POU3F2: variants seen among roughly 807,000 people sequenced by gnomAD.
POU3F2 encodes the protein POU class 3 homeobox 2.
A neutral mutation model predicts 33.1 loss-of-function variants in POU3F2; 11 were observed. The observed-to-expected ratio is 0.33, with a 90% CI of 0.21 to 0.55. The LOEUF (loss-of-function observed/expected upper bound fraction) is 0.55. Among genes scored for constraint, POU3F2 ranks in the 20% least tolerant of loss-of-function variants. The pLI is 0.91. For synonymous variants in POU3F2, 332 were observed against 289.6 expected (o/e 1.15, Z -1.49); for missense variants, 456 against 620.2 (o/e 0.74, Z 2.81).
rs779168236 is a variant in POU3F2, at chr6:98,836,136, C to T, written c.1263C>T (p.Gly421=). Residue 421 remains glycine, a synonymous_variant, in exon 1 of 1, where the codon GGC becomes GGT. Transcript: ENST00000328345. ...CCCCTCCCGGAGGGACTCTGCCGGG[C>T]GCCGAGGATGTGTACGGGGGGAGTA... ...RMTPPGGTLP[G]AEDVYGGSRD... is the part of the protein sequence containing the mutation. 8.7e-6 allele frequency: 14 copies of T among 1,604,820 alleles called. No homozygotes were observed. Among genetic ancestry groups the T allele is most frequent in the Non-Finnish European group, 1.7e-6 (2 of 1,177,856 alleles).
chr6:98,835,545 T>A lies in POU3F2; in HGVS notation c.672T>A (p.His224Gln), dbSNP rs1255273182. Reference sequence around the variant, plus strand: ...GGGACGCGCACGACGAGCCACACCATGCCGACCACCACCCGCACCCGCACT... The same window carrying A: ...GGGACGCGCACGACGAGCCACACCAAGCCGACCACCACCCGCACCCGCACT... ...GLRDAHDEPHHADHHPHPHSH... is the reference protein window; with the variant it reads ...GLRDAHDEPHQADHHPHPHSH... Residue 224 changes from histidine to glutamine, a missense_variant, in exon 1 of 1, where the codon CAT becomes CAA. Physicochemically the swap from His to Gln is conservative, Grantham distance 24. Transcript: ENST00000328345. The surrounding 1 kb of genome is among the most constrained non-coding windows in gnomAD (Gnocchi z 9.7). 1 of 1,586,250 alleles carries A rather than the reference T, an allele frequency of 6.3e-7. No homozygotes were observed. The highest frequency in any genetic ancestry group is 2.3e-5 in the East Asian group (1 of 43,934).
Position 98,836,145 on chromosome 6 carries a change from T to C in POU3F2, c.1272T>C (p.Asp424=). Residue 424 remains aspartate, a synonymous_variant, in exon 1 of 1, where the codon GAT becomes GAC. Transcript: ENST00000328345. The part of the protein sequence containing the change: ...PPGGTLPGAE[D]VYGGSRDTPP... Reference sequence around the variant, plus strand: ...GAGGGACTCTGCCGGGCGCCGAGGATGTGTACGGGGGGAGTAGGGACACTC... The same window carrying C: ...GAGGGACTCTGCCGGGCGCCGAGGACGTGTACGGGGGGAGTAGGGACACTC... 6.2e-7 allele frequency: 1 copy of C among 1,604,978 alleles called. No individual in the cohort carries two copies. Among genetic ancestry groups the C allele is most frequent in the South Asian group, 1.1e-5 (1 of 89,720 alleles).
At position 98,836,120 on chromosome 6, in the gene POU3F2, G is replaced by A. The variant is rs752078456; in HGVS notation, c.1247G>A (p.Gly416Glu). Residue 416 changes from glycine (G) to glutamate (E), a missense_variant, in exon 1 of 1, where the codon GGA (glycine) becomes GAA (glutamate). Gly to Glu is a moderately conservative substitution (Grantham distance 98). Coordinates refer to ENST00000328345, the MANE Select transcript of POU3F2 (RefSeq NM_005604.4). ...RQKEKRMTPP[G>E]GTLPGAEDVY... ...AAAGAGAAAAGGATGACCCCTCCCG[G>A]AGGGACTCTGCCGGGCGCCGAGGAT... The A allele has an allele frequency of 5.6e-6, 9 of 1,605,752 alleles. No homozygotes were observed. The highest frequency in any genetic ancestry group is 7.6e-6 in the Non-Finnish European group (9 of 1,178,078).
chr6:98,835,140 C>G lies in POU3F2; in HGVS notation c.267C>G (p.Asp89Glu). Residue 89 changes from aspartate to glutamate, a missense_variant, in exon 1 of 1, where the codon GAC becomes GAG. By Grantham distance (45) the Asp-to-Glu change is conservative. Transcript: ENST00000328345. This position sits in a 1 kb window ranked among gnomAD's most constrained non-coding sequence, Gnocchi z 9.7. The part of the protein sequence containing the change: ...GGGGGGGGGG[D>E]GSPWSTSPLG... ...GGGGCGGCGGCGGGGGCGGCGGCGA[C>G]GGCTCCCCGTGGTCCACCAGCCCCC... The G allele has an allele frequency of 8.0e-7, 1 of 1,249,806 alleles. No individual in the cohort carries two copies. Among genetic ancestry groups the G allele is most frequent in the Non-Finnish European group, 1.0e-6 (1 of 997,308 alleles). The allele number at this position is 1,249,806 out of a possible 1,614,324, so 77.4% of individuals were successfully genotyped here.
chr6:98,836,669 G>A lies in POU3F2; in HGVS notation c.*464G>A, dbSNP rs1246778959. On this transcript the variant is annotated 3_prime_UTR_variant, in exon 1 of 1. Transcript: ENST00000328345. ...GTTTATTTATTGTGGATTCCCATCA[G>A]GAAAGAGGAAAAAATACACATGTTC... 1 of 168,286 alleles carries A rather than the reference G, an allele frequency of 5.9e-6. No homozygotes were observed. Among genetic ancestry groups the A allele is most frequent in the Non-Finnish European group, 1.4e-5 (1 of 69,080 alleles). 10.4% of individuals were successfully genotyped at this position (168,286 alleles called of 1,614,324 possible). A position where few individuals can be genotyped will look rare whatever the true frequency, so the allele number is the denominator to read the frequency against.
In POU3F2 at chr6:98,836,329, C is replaced by A. The variant is rs976379462; in HGVS notation, c.*124C>A. 8.7e-6 allele frequency: 11 copies of A among 1,264,960 alleles called. No homozygotes were observed. The highest frequency in any genetic ancestry group is 1.0e-5 in the Non-Finnish European group (10 of 955,286). The allele number at this position is 1,264,960 out of a possible 1,614,324, so 78.4% of individuals were successfully genotyped here. A position where few individuals can be genotyped will look rare whatever the true frequency, so the allele number is the denominator to read the frequency against. On this transcript the variant is annotated 3_prime_UTR_variant, in exon 1 of 1. Transcript: ENST00000328345. Reference sequence around the variant, plus strand: ...CTTTTATTTTTAATTATTATTTCCCCGTCCCTTAAAAAGACAAAAAAAATA... The same window carrying A: ...CTTTTATTTTTAATTATTATTTCCCAGTCCCTTAAAAAGACAAAAAAAATA...
rs1413733466 is a variant in POU3F2, at chr6:98,835,149, G to A, written c.276G>A (p.Pro92=). ...GCGGGGGCGGCGGCGACGGCTCCCC[G>A]TGGTCCACCAGCCCCCTGGGCCAGC... is the stretch of plus-strand genomic sequence containing the variant. ...GGGGGGGDGS[P]WSTSPLGQPD... The change falls in exon 1 of 1, where the codon CCG becomes CCA. Residue 92 remains proline (P), a synonymous_variant. Transcript: ENST00000328345. This position sits in a 1 kb window ranked among gnomAD's most constrained non-coding sequence, Gnocchi z 9.7. The A allele has an allele frequency of 3.0e-6, 4 of 1,312,830 alleles. No homozygotes were observed. The highest frequency in any genetic ancestry group is 2.8e-4 in the Middle Eastern group (1 of 3,564). The allele number at this position is 1,312,830 out of a possible 1,614,324, so 81.3% of individuals were successfully genotyped here. A position where few individuals can be genotyped will look rare whatever the true frequency, so the allele number is the denominator to read the frequency against.
At position 98,834,756 on chromosome 6, in the gene POU3F2, C is replaced by A. The variant is rs552686016; in HGVS notation, c.-118C>A. 3.4e-6 allele frequency: 4 copies of A among 1,191,014 alleles called. No individual in the cohort carries two copies. The highest frequency in any genetic ancestry group is 2.9e-5 in the East Asian group (1 of 34,432). 73.8% of individuals were successfully genotyped at this position (1,191,014 alleles called of 1,614,324 possible). On this transcript the variant is annotated 5_prime_UTR_variant, in exon 1 of 1. Coordinates refer to ENST00000328345, the MANE Select transcript of POU3F2 (RefSeq NM_005604.4). Reference sequence around the variant, plus strand: ...CGTCGGAGCGGGCGTCGGAGCTGCCCGCTGTGGGAGAGAGAGGAGACAGAA... The same window carrying A: ...CGTCGGAGCGGGCGTCGGAGCTGCCAGCTGTGGGAGAGAGAGGAGACAGAA...
rs767818457 is a variant in POU3F2 at position 98,834,966 on chromosome 6, G to T, written c.93G>T (p.Ala31=). The T allele has an allele frequency of 1.9e-6, 3 of 1,599,274 alleles. No individual in the cohort carries two copies. The highest frequency in any genetic ancestry group is 2.2e-5 in the East Asian group (1 of 44,610). Residue 31 remains alanine (A), a synonymous_variant, in exon 1 of 1, where the codon GCG becomes GCT. Transcript: ENST00000328345. ...AEPPGGMQQG[A]GGYREAQSLV... Reference sequence around the variant, plus strand: ...CGCCCGGCGGCATGCAGCAGGGCGCGGGGGGCTACCGCGAAGCGCAGAGCC... The same window carrying T: ...CGCCCGGCGGCATGCAGCAGGGCGCTGGGGGCTACCGCGAAGCGCAGAGCC...
rs569128447 is a variant in POU3F2, at chr6:98,834,671, C to G, written c.-203C>G. On this transcript the variant is annotated 5_prime_UTR_variant, in exon 1 of 1. Coordinates refer to ENST00000328345, the MANE Select transcript of POU3F2 (RefSeq NM_005604.4). ...GAGAGGAGGAGAAAGAGAGCGAGGGCGGGCGGGAGGCGGCGGCGGCGGCAG... is the reference window on the plus strand; with the variant it reads ...GAGAGGAGGAGAAAGAGAGCGAGGGGGGGCGGGAGGCGGCGGCGGCGGCAG... 1.7e-6 allele frequency: 1 copy of G among 600,248 alleles called. No individual in the cohort carries two copies. The highest frequency in any genetic ancestry group is 2.9e-6 in the Non-Finnish European group (1 of 346,836). The allele number at this position is 600,248 out of a possible 1,614,324, so 37.2% of individuals were successfully genotyped here.
chr6:98,835,462 G>A lies in POU3F2; in HGVS notation c.589G>A (p.Val197Met). 1 of 1,583,238 alleles carries A rather than the reference G, an allele frequency of 6.3e-7. No individual in the cohort carries two copies. Among genetic ancestry groups the A allele is most frequent in the Non-Finnish European group, 8.5e-7 (1 of 1,170,764 alleles). The change falls in exon 1 of 1, where the codon GTG becomes ATG. Residue 197 changes from valine (V) to methionine (M), a missense_variant. Val to Met is a conservative substitution (Grantham distance 21). Transcript: ENST00000328345. The surrounding 1 kb of genome is among the most constrained non-coding windows in gnomAD (Gnocchi z 9.7). Reference sequence around the variant, plus strand: ...GCTCTACTCGCAGCCCAGCTTCACGGTGAACGGCATGCTGGGCGCCGGCGG... The same window carrying A: ...GCTCTACTCGCAGCCCAGCTTCACGATGAACGGCATGCTGGGCGCCGGCGG... ...GLLYSQPSFTVNGMLGAGGQP... is the reference protein window; with the variant it reads ...GLLYSQPSFTMNGMLGAGGQP...
In POU3F2 at chr6:98,837,801, A is replaced by G. The variant is rs1055080136; in HGVS notation, c.*1596A>G. 1.2e-5 allele frequency: 2 copies of G among 166,884 alleles called. No individual in the cohort carries two copies. The highest frequency in any genetic ancestry group is 2.9e-5 in the Non-Finnish European group (2 of 68,124). The allele number at this position is 166,884 out of a possible 1,614,324, so 10.3% of individuals were successfully genotyped here. ...CTCCAAACACAAAAGACTCTACTGGAAAGTGTAGGTGAAAAAACTTGTAAC... is the reference window on the plus strand; with the variant it reads ...CTCCAAACACAAAAGACTCTACTGGGAAGTGTAGGTGAAAAAACTTGTAAC... On this transcript the variant is annotated 3_prime_UTR_variant, in exon 1 of 1. Coordinates refer to ENST00000328345, the MANE Select transcript of POU3F2 (RefSeq NM_005604.4).
At position 98,835,369 on chromosome 6, in the gene POU3F2, G is replaced by A; in HGVS notation, c.496G>A (p.Gly166Arg). 1.3e-6 allele frequency: 2 copies of A among 1,560,590 alleles called. No homozygotes were observed. The highest frequency in any genetic ancestry group is 1.7e-6 in the Non-Finnish European group (2 of 1,154,824). ...HHAANHHPGP[G>R]AWRSAAAAAH... ...CGCCGCTAACCACCACCCGGGACCC[G>A]GGGCATGGCGGAGCGCGGCGGCTGC... Residue 166 changes from glycine (G) to arginine (R), a missense_variant, in exon 1 of 1, where the codon GGG (glycine) becomes AGG (arginine). Physicochemically the swap from Gly to Arg is moderately radical, Grantham distance 125. Transcript: ENST00000328345. This position sits in a 1 kb window ranked among gnomAD's most constrained non-coding sequence, Gnocchi z 9.7.
chr6:98,834,928 G>C lies in POU3F2; in HGVS notation c.55G>C (p.Val19Leu). The C allele has an allele frequency of 6.2e-7, 1 of 1,600,438 alleles. No homozygotes were observed. Among genetic ancestry groups the C allele is most frequent in the Non-Finnish European group, 8.5e-7 (1 of 1,179,398 alleles). ...YSLLTSSASI[V>L]HAEPPGGMQQ... ...CCTGCTCACCTCCAGCGCCTCCATC[G>C]TGCACGCCGAGCCGCCCGGCGGCAT... The change falls in exon 1 of 1, where the codon GTG (valine) becomes CTG (leucine). Residue 19 changes from valine to leucine, a missense_variant. By Grantham distance (32) the Val-to-Leu change is conservative (BLOSUM62 1). Around this residue, in one of 6 missense-constraint regions of POU3F2, gnomAD observed 341 missense variants for 382.4 expected, o/e 0.89. Transcript: ENST00000328345.
rs781334524 is a variant in POU3F2, at chr6:98,834,828, A to G, written c.-46A>G. 6.4e-7 allele frequency: 1 copy of G among 1,573,218 alleles called. No individual in the cohort carries two copies. Among genetic ancestry groups the G allele is most frequent in the Non-Finnish European group, 8.6e-7 (1 of 1,165,198 alleles). ...CCCGAGGCGAAAAAGTAACTGTCAAATGCGCGGCTCCTTTAACCGGAGCGC... is the reference window on the plus strand; with the variant it reads ...CCCGAGGCGAAAAAGTAACTGTCAAGTGCGCGGCTCCTTTAACCGGAGCGC... On this transcript the variant is annotated 5_prime_UTR_variant, in exon 1 of 1. An upstream start codon of the reference 5' UTR is lost. Coordinates refer to ENST00000328345, the MANE Select transcript of POU3F2 (RefSeq NM_005604.4).
rs767049661 is a variant in POU3F2 at position 98,836,118 on chromosome 6, C to T, written c.1245C>T (p.Pro415=). The change falls in exon 1 of 1, where the codon CCC becomes CCT. Residue 415 remains proline, a synonymous_variant. Coordinates refer to ENST00000328345, the MANE Select transcript of POU3F2 (RefSeq NM_005604.4). The part of the protein sequence containing the change: ...RRQKEKRMTP[P]GGTLPGAEDV... ...AGAAAGAGAAAAGGATGACCCCTCC[C>T]GGAGGGACTCTGCCGGGCGCCGAGG... 6 of 1,605,608 alleles carry T rather than the reference C, an allele frequency of 3.7e-6. No individual in the cohort carries two copies. Among genetic ancestry groups the T allele is most frequent in the African/African-American group, 1.4e-5 (1 of 74,002 alleles).
chr6:98,836,358 C>A lies in POU3F2; in HGVS notation c.*153C>A. ...CCTTAAAAAGACAAAAAAAATAAGG[C>A]AAAAGGAAAGCAACTAAGACACTGG... On this transcript the variant is annotated 3_prime_UTR_variant, in exon 1 of 1. Coordinates refer to ENST00000328345, the MANE Select transcript of POU3F2 (RefSeq NM_005604.4). 3 of 1,054,248 alleles carry A rather than the reference C, an allele frequency of 2.8e-6. No individual in the cohort carries two copies. The highest frequency in any genetic ancestry group is 2.0e-5 in the South Asian group (1 of 49,390). The allele number at this position is 1,054,248 out of a possible 1,614,324, so 65.3% of individuals were successfully genotyped here.
Position 98,834,693 on chromosome 6 carries a change from G to A in POU3F2, c.-181G>A. The A allele has an allele frequency of 1.5e-6, 1 of 660,752 alleles. No individual in the cohort carries two copies. Among genetic ancestry groups the A allele is most frequent in the Non-Finnish European group, 2.5e-6 (1 of 403,488 alleles). 40.9% of individuals were successfully genotyped at this position (660,752 alleles called of 1,614,324 possible). A position where few individuals can be genotyped will look rare whatever the true frequency, so the allele number is the denominator to read the frequency against. ...GGGCGGGCGGGAGGCGGCGGCGGCG[G>A]CAGCAGCAGCAGTAATAGCAGGAGC... is the stretch of plus-strand genomic sequence containing the variant. On this transcript the variant is annotated 5_prime_UTR_variant, in exon 1 of 1. Transcript: ENST00000328345.
chr6:98,834,777 C>T lies in POU3F2; in HGVS notation c.-97C>T. 1.5e-6 allele frequency: 2 copies of T among 1,359,066 alleles called. No homozygotes were observed. The highest frequency in any genetic ancestry group is 1.5e-5 in the African/African-American group (1 of 67,178). 84.2% of individuals were successfully genotyped at this position (1,359,066 alleles called of 1,614,324 possible). On this transcript the variant is annotated 5_prime_UTR_variant, in exon 1 of 1. Transcript: ENST00000328345. ...TGCCCGCTGTGGGAGAGAGAGGAGA[C>T]AGAAAGAGCGAGCGAGGAGAGGGAG... is the stretch of plus-strand genomic sequence containing the variant.
Sources: gnomAD v4.1 joint callset for allele counts on GRCh38, gnomAD v4.1.1 for gene constraint, gnomAD v4.1.1 regional missense constraint, Gnocchi (gnomAD v3.1) non-coding constraint, MANE v1.5 for transcripts, NCBI Gene and HGNC (gene_info 2026-07-23, HGNC 2026-07-21) for gene names.